The following SYT1 variants were observed in gnomAD, a reference collection of about 807,000 sequenced individuals.
SYT1 encodes synaptotagmin-1.
In SYT1, 8 loss-of-function variants were observed where a neutral mutation model predicts 44.8. That is an observed-to-expected ratio of 0.18 (90% CI 0.10 to 0.32). SYT1 has a LOEUF of 0.32. SYT1 is among the 10% of genes least tolerant of loss of function. The probability of loss-of-function intolerance (pLI) is 1.00; values close to 1 mark genes in which losing one functional copy is unlikely to be tolerated. For missense variants in SYT1, 286 were observed against 509.3 expected (o/e 0.56, Z 4.22); for synonymous variants, 154 against 188.8 (o/e 0.82, Z 1.51).
chr12:79,267,072 G>C (rs1377549328), intron 4 of SYT1, among the ~76,000 whole-genome samples: 1 of 152,010 alleles, frequency 6.6e-6, no homozygotes, highest in Non-Finnish European at 1.5e-5. Flanking sequence ...GTCCTCACTT[G>C]TTTCTAGAAT....
At chr12:79,296,953 A>C (rs1257483273) in intron 7 of SYT1, among the ~76,000 whole-genome samples, 1 of 152,196 alleles carries the variant, frequency 6.6e-6, no homozygotes, top group Non-Finnish European at 1.5e-5. Flanking sequence ...CGTGCGAAAA[A>C]AACTTTTTAA....
intron 8 of SYT1, among the ~76,000 whole-genome samples, chr12:79,329,106 G>A (rs1013196605): frequency 5.3e-5 from 8 of 152,110 alleles, no homozygotes. Context: ...CCACAGAGGG[G>A]TTAAGTGGAA....
chr12:79,030,508 T>C (rs776121478), intron 2 of SYT1, among the ~76,000 whole-genome samples: 21 of 151,198 alleles, frequency 1.4e-4, no homozygotes, highest in African/African-American at 4.8e-4. Context: ...TACTATTCCA[T>C]TGAGCTCTAA....
chr12:78,871,703 A>G lies in SYT1; in HGVS notation c.-217+6594A>G, dbSNP rs544830304. Reference sequence around the variant, plus strand: ...AAGTTGACACAGTTTCTCAGGAAAAAGACAAGGAAGCAAAGCATTGAAATC... The same window carrying G: ...AAGTTGACACAGTTTCTCAGGAAAAGGACAAGGAAGCAAAGCATTGAAATC... On this transcript the variant is annotated intron_variant, in intron 1 of 10. Transcript: ENST00000261205. 2.0e-5 allele frequency among the ~76,000 whole-genome samples: 3 copies of G among 152,074 alleles called. No individual in the cohort carries two copies. In the East Asian group the frequency reaches 5.8e-4, roughly 29 times the overall value.
intron 1 of SYT1, among the ~76,000 whole-genome samples, chr12:78,918,190 A>G (rs940625137): frequency 1.9e-4 from 29 of 152,196 alleles, no homozygotes; most frequent in African/African-American, 7.0e-4. Flanking sequence ...ATAAGTAGAT[A>G]ACTTTTCTAT....
At chr12:79,226,998 C>T (rs117111402) in intron 4 of SYT1, among the ~76,000 whole-genome samples, 3,272 of 152,224 alleles carry the variant, frequency 0.021, 56 homozygotes, top group Non-Finnish European at 0.034. Flanking sequence ...TAATTGATTT[C>T]AGTCTCTGAA....
chr12:79,058,430 C>A (rs1208413870), intron 3 of SYT1, among the ~76,000 whole-genome samples: 1 of 152,096 alleles, frequency 6.6e-6, no homozygotes, highest in Non-Finnish European at 1.5e-5. Context: ...AGCCTTCTCT[C>A]TCTTTGTCAC....
chr12:79,178,501 C>T (rs564674816), intron 3 of SYT1, among the ~76,000 whole-genome samples: 1 of 152,112 alleles, frequency 6.6e-6, no homozygotes, highest in South Asian at 2.1e-4. Context: ...TGTACCTTGC[C>T]TGTTCCAGAC....
intron 3 of SYT1, among the ~76,000 whole-genome samples, chr12:79,164,983 T>G (rs536158438): frequency 1.3e-5 from 2 of 152,142 alleles, no homozygotes; most frequent in South Asian, 2.1e-4. Flanking sequence ...GACACAAATT[T>G]TGATAAGACC....
At position 79,167,780 on chromosome 12, in the gene SYT1, AG is replaced by A. The variant is rs1565835530; in HGVS notation, c.-17-49719del. 2.6e-5 allele frequency among the ~76,000 whole-genome samples: 4 copies of A among 152,034 alleles called. No individual in the cohort carries two copies. The South Asian group carries it at 8.3e-4, about 31-fold the overall frequency. On this transcript the variant is annotated intron_variant, in intron 3 of 10. Coordinates refer to ENST00000261205, the MANE Select transcript of SYT1 (RefSeq NM_005639.3). ...AGCGGTCCCCAACATTTTTGGCACC[AG>A]GGGCTTGTTTCATGGAAGACAATTT... is the stretch of plus-strand genomic sequence containing the variant.
At chr12:78,954,393 A>T (rs575763712) in intron 1 of SYT1, among the ~76,000 whole-genome samples, 11 of 152,170 alleles carry the variant, frequency 7.2e-5, no homozygotes, top group Admixed American at 3.9e-4. Context: ...ACTTATTAAC[A>T]TAACTTTTAT....
At chr12:79,308,617 AAAGAAAGAAAGAAAGAAAG>A (rs936347137) in intron 8 of SYT1, among the ~76,000 whole-genome samples, 1 of 22,846 alleles carries the variant, frequency 4.4e-5, no homozygotes, top group African/African-American at 1.6e-4. Context: ...AAAGAAAAAG[AAAGAAAGAAAGAAAGAAAG>A]AAAGAAAGAA....
chr12:78,953,250 T>C lies in SYT1; in HGVS notation c.-216-24549T>C, dbSNP rs150178307. Reference sequence around the variant, plus strand: ...AGGATGAGAATAGGAATGAATGATATAGGGAAGAGATGAAATGGATATGTT... The same window carrying C: ...AGGATGAGAATAGGAATGAATGATACAGGGAAGAGATGAAATGGATATGTT... On this transcript the variant is annotated intron_variant, in intron 1 of 10. Transcript: ENST00000261205. 2.9e-3 allele frequency among the ~76,000 whole-genome samples: 437 copies of C among 152,134 alleles called. 3 individuals carry two copies. Among genetic ancestry groups the C allele is most frequent in the African/African-American group, 0.01 (417 of 41,524 alleles).
intron 8 of SYT1, among the ~76,000 whole-genome samples, chr12:79,341,844 A>G (rs1408847796): frequency 6.6e-6 from 1 of 150,986 alleles, no homozygotes; most frequent in Non-Finnish European, 1.5e-5. Context: ...AATTTTTTGT[A>G]TTTTTAGTAG....
intron 3 of SYT1, among the ~76,000 whole-genome samples, chr12:79,134,696 AC>A (rs1181579670): frequency 6.6e-6 from 1 of 152,082 alleles, no homozygotes; most frequent in African/African-American, 2.4e-5. Flanking sequence ...TTCTAAGCTT[AC>A]CTCAGACACT....
At chr12:78,936,845 G>A (rs1878089813) in intron 1 of SYT1, among the ~76,000 whole-genome samples, 1 of 152,082 alleles carries the variant, frequency 6.6e-6, no homozygotes, top group South Asian at 2.1e-4. Context: ...TTTACCAAAT[G>A]GAAAGGAAAA....
chr12:78,973,861 T>A (rs1868552768), intron 1 of SYT1, among the ~76,000 whole-genome samples: 2 of 136,498 alleles, frequency 1.5e-5, no homozygotes, highest in Non-Finnish European at 3.1e-5. Context: ...GAAAAAAAAA[T>A]TAACTCTTGT....
At chr12:78,987,313 C>G (rs943571172) in intron 2 of SYT1, among the ~76,000 whole-genome samples, 2 of 152,056 alleles carry the variant, frequency 1.3e-5, no homozygotes, top group East Asian at 3.9e-4. Context: ...TGTGTGTTTT[C>G]TAGACAAAAA....
intron 8 of SYT1, among the ~76,000 whole-genome samples, chr12:79,322,250 G>A (rs1046899296): frequency 6.6e-6 from 1 of 151,944 alleles, no homozygotes; most frequent in South Asian, 2.1e-4. Flanking sequence ...AGAGTTTAAC[G>A]CATAACTTAT....
Sources: gnomAD v4.1 joint callset for allele counts (sites outside exome capture counted in the v4.1 genomes callset) on GRCh38, gnomAD v4.1.1 for gene constraint, MANE v1.5 for transcripts, NCBI Gene and HGNC (gene_info 2026-07-23, HGNC 2026-07-21) for gene names.